The following ARHGEF18 variants were observed in gnomAD, a reference collection of about 807,000 sequenced individuals.
ARHGEF18 encodes the protein rho guanine nucleotide exchange factor 18.
A neutral mutation model predicts 155.7 loss-of-function variants in ARHGEF18; 93 were observed. The observed-to-expected ratio is 0.60, with a 90% CI of 0.50 to 0.71. The LOEUF (loss-of-function observed/expected upper bound fraction) is 0.71. Ranked by LOEUF, ARHGEF18 falls within the 30% of genes least tolerant of loss-of-function variation. ARHGEF18 has a pLI of 0.00. For synonymous variants in ARHGEF18, 742 were observed against 753.1 expected, an observed-to-expected ratio of 0.99 and a Z score of 0.24; for missense variants, 1,593 against 1,816.1, an observed-to-expected ratio of 0.88 and a Z score of 2.23.
chr19:7,450,420 GCGGGATCT>G (rs1975308444), intron 15 of ARHGEF18, among the ~76,000 whole-genome samples: 1 of 2,820 alleles, frequency 3.5e-4, no homozygotes, highest in African/African-American at 1.3e-3. Context: ...AGATGTTAAT[GCGGGATCT>G]TGCTTTCCGT....
In ARHGEF18 at chr19:7,453,456, A is replaced by ATGTGT; in HGVS notation, c.1856-10_1856-6dup. ...GGAAAAGAAAGACGCTAACTCTGCT[A>ATGTGT]TGTGTGGCAGCTGGCACTGAGGACT... On this transcript the variant is annotated splice_polypyrimidine_tract_variant and intron_variant, in intron 16 of 28. Transcript: ENST00000668164. 6.3e-7 allele frequency: 1 copy of ATGTGT among 1,582,546 alleles called. No individual in the cohort carries two copies. Among genetic ancestry groups the ATGTGT allele is most frequent in the East Asian group, 2.3e-5 (1 of 44,298 alleles).
At chr19:7,407,057 T>A (rs1244302595) in intron 10 of ARHGEF18, among the ~76,000 whole-genome samples, 6 of 116,240 alleles carry the variant, frequency 5.2e-5, no homozygotes, top group Non-Finnish European at 1.0e-4. Flanking sequence ...AAGGCAAGAC[T>A]CCGTCTCAAA....
chr19:7,462,393 A>C lies in ARHGEF18; in HGVS notation c.2635+59A>C. 1 of 1,487,852 alleles carries C rather than the reference A, an allele frequency of 6.7e-7. No individual in the cohort carries two copies. 92.2% of individuals were successfully genotyped at this position (1,487,852 alleles called of 1,614,324 possible). On this transcript the variant is annotated intron_variant, in intron 21 of 28. Coordinates refer to ENST00000668164, the MANE Select transcript of ARHGEF18 (RefSeq NM_001367823.1). The surrounding 1 kb of genome is among the most constrained non-coding windows in gnomAD (Gnocchi z 4.4). ...CTTGCCGGGGTGGGCTCCTCAGGGAACCCCAGGCCAGGCTCACGGCTCATT... is the reference window on the plus strand; with the variant it reads ...CTTGCCGGGGTGGGCTCCTCAGGGACCCCCAGGCCAGGCTCACGGCTCATT...
intron 10 of ARHGEF18, among the ~76,000 whole-genome samples, chr19:7,407,425 CAAAAAA>C (rs59665719): frequency 9.2e-6 from 1 of 108,754 alleles, no homozygotes; most frequent in African/African-American, 3.2e-5. Context: ...GACTGAGTCT[CAAAAAA>C]AAAAAAAAAG....
intron 10 of ARHGEF18, among the ~76,000 whole-genome samples, chr19:7,425,582 T>C (rs1339925346): frequency 6.6e-6 from 1 of 151,090 alleles, no homozygotes; most frequent in East Asian, 1.9e-4. Flanking sequence ...CTCAGGAGAC[T>C]GAGGCAGGAG....
intron 6 of ARHGEF18, among the ~76,000 whole-genome samples, chr19:7,378,686 T>C (rs940516443): frequency 2.9e-4 from 21 of 72,806 alleles, no homozygotes; most frequent in African/African-American, 1.0e-3. Flanking sequence ...AATTGTGGCT[T>C]TTTTTTTTTT....
At chr19:7,464,747 G>A in intron 23 of ARHGEF18, 57 bp downstream of exon 23, 1 of 1,596,442 alleles carries the variant, frequency 6.3e-7, no homozygotes. Flanking sequence ...ATTCATGTGT[G>A]TGAGCAGCTT....
intron 4 of ARHGEF18, 39 bp from the exon 5 acceptor site, chr19:7,376,604 C>T: frequency 8.2e-7 from 1 of 1,214,114 alleles, no homozygotes; most frequent in Non-Finnish European, 1.0e-6. Context: ...GCAGTCCAGG[C>T]TGCCTTCCCA....
At chr19:7,378,324 G>A in intron 5 of ARHGEF18, 70 bp from the exon 6 acceptor site, 1 of 1,180,754 alleles carries the variant, frequency 8.5e-7, no homozygotes, top group Non-Finnish European at 1.1e-6. Flanking sequence ...ATCCGGGAGG[G>A]CTCTGCTGGG....
Position 7,471,501 on chromosome 19 carries a change from T to TGATCGTCCTTGTTCCCAGTGGGGTAC in ARHGEF18, c.*1204_*1229dup, listed in dbSNP as rs1481781063. ...ATTGGTGGTAGGACTGGGTCCTGGCTGATCGTCCTTGTTCCCAGTGGGGTA... is the reference window on the plus strand; with the variant it reads ...ATTGGTGGTAGGACTGGGTCCTGGCTGATCGTCCTTGTTCCCAGTGGGGTACGATCGTCCTTGTTCCCAGTGGGGTA... On this transcript the variant is annotated 3_prime_UTR_variant, in exon 29 of 29. Coordinates refer to ENST00000668164, the MANE Select transcript of ARHGEF18 (RefSeq NM_001367823.1). This position sits in a 1 kb window ranked among gnomAD's most constrained non-coding sequence, Gnocchi z 4.4. The TGATCGTCCTTGTTCCCAGTGGGGTAC allele has an allele frequency of 6.6e-6, 1 of 152,284 alleles. No homozygotes were observed. The highest frequency in any genetic ancestry group is 1.5e-5 in the Non-Finnish European group (1 of 68,080). The allele number at this position is 152,284 out of a possible 1,614,324, so 9.4% of individuals were successfully genotyped here.
chr19:7,456,234 C>A, intron 17 of ARHGEF18, 93 bp from the exon 18 acceptor site: 1 of 1,130,304 alleles, frequency 8.8e-7, no homozygotes, highest in Non-Finnish European at 1.3e-6. Flanking sequence ...ATGCTGCTTA[C>A]ACCTTCCTGG....
At chr19:7,410,411 TAC>T (rs1364107618) in intron 10 of ARHGEF18, among the ~76,000 whole-genome samples, 1 of 151,886 alleles carries the variant, frequency 6.6e-6, no homozygotes, top group Non-Finnish European at 1.5e-5. Flanking sequence ...CACACATACA[TAC>T]ACACACACAT....
rs184815199 is a variant in ARHGEF18, at chr19:7,397,694, C to T, written c.967+14491C>T. 2.1e-3 allele frequency among the ~76,000 whole-genome samples: 317 copies of T among 151,692 alleles called. 1 individual carries two copies. The highest frequency in any genetic ancestry group is 7.2e-3 in the African/African-American group (298 of 41,346). ...GTTGCAGTGAGCCGAGATCGTGCCA[C>T]TGCACTCCAGCCTGGGCAACAGAAC... On this transcript the variant is annotated intron_variant, in intron 10 of 28. Coordinates refer to ENST00000668164, the MANE Select transcript of ARHGEF18 (RefSeq NM_001367823.1).
At chr19:7,431,687 G>T (rs1285361806) in intron 10 of ARHGEF18, among the ~76,000 whole-genome samples, 1 of 152,166 alleles carries the variant, frequency 6.6e-6, no homozygotes. Flanking sequence ...GGCGGCGCAT[G>T]CCTGTAATCC....
downstream of ARHGEF18, among the ~76,000 whole-genome samples, chr19:7,476,341 T>A (rs1200201202): frequency 6.8e-6 from 1 of 146,900 alleles, no homozygotes; most frequent in Non-Finnish European, 1.5e-5. Context: ...GCAATTGATA[T>A]CACATGAGGC....
rs770049382 is a variant in ARHGEF18, at chr19:7,469,079, TGGCAAGGACAAGGGC to T, written c.3742_3756del (p.Asp1248_Lys1252del). 1 of 1,608,254 alleles carries T rather than the reference TGGCAAGGACAAGGGC, an allele frequency of 6.2e-7. No homozygotes were observed. The highest frequency in any genetic ancestry group is 1.1e-5 in the South Asian group (1 of 90,324). ...CCAAGCTGGCGGCCTCCACCAAGGG[TGGCAAGGACAAGGGC>T]GGCAAGAGCAGGGGCTCTCAGCGCT... On this transcript the variant is annotated inframe_deletion, in exon 27 of 29. Transcript: ENST00000668164.
At position 7,470,335 on chromosome 19, in the gene ARHGEF18, C is replaced by CCTGCCCACCCTTCCTGCT. The variant is rs1976952651; in HGVS notation, c.*40_*57dup. 7.0e-7 allele frequency: 1 copy of CCTGCCCACCCTTCCTGCT among 1,436,282 alleles called. No individual in the cohort carries two copies. The highest frequency in any genetic ancestry group is 9.2e-7 in the Non-Finnish European group (1 of 1,089,912). The allele number at this position is 1,436,282 out of a possible 1,614,324, so 89.0% of individuals were successfully genotyped here. Reference sequence around the variant, plus strand: ...CTCAAGGTGCAAGGCCCCTCCCTGCCCTGCCCACCCTTCCTGCTCTCTGGG... The same window carrying CCTGCCCACCCTTCCTGCT: ...CTCAAGGTGCAAGGCCCCTCCCTGCCCTGCCCACCCTTCCTGCTCTGCCCACCCTTCCTGCTCTCTGGG... On this transcript the variant is annotated 3_prime_UTR_variant, in exon 29 of 29. Transcript: ENST00000668164. The surrounding 1 kb of genome is among the most constrained non-coding windows in gnomAD (Gnocchi z 5.9).
chr19:7,406,574 G>C (rs1159181033), intron 10 of ARHGEF18, among the ~76,000 whole-genome samples: 3 of 152,068 alleles, frequency 2.0e-5, no homozygotes, highest in Non-Finnish European at 4.4e-5. Flanking sequence ...TAGATTCAGA[G>C]AGGGCAAAAA....
Position 7,349,686 on chromosome 19 carries a change from G to A in ARHGEF18, c.-111+445G>A, listed in dbSNP as rs181250244. ...TCAGCTACTCGGGAGGCTGAGGCAG[G>A]AGAATGGCTTGAACCCGGGAGGTAG... On this transcript the variant is annotated intron_variant, in intron 1 of 28. Coordinates refer to ENST00000668164, the MANE Select transcript of ARHGEF18 (RefSeq NM_001367823.1). 2.4e-3 allele frequency among the ~76,000 whole-genome samples: 366 copies of A among 152,212 alleles called. 1 individual carries two copies. Among genetic ancestry groups the A allele is most frequent in the African/African-American group, 8.5e-3 (355 of 41,522 alleles).
Sources: gnomAD v4.1 joint callset for allele counts (sites outside exome capture counted in the v4.1 genomes callset) on GRCh38, gnomAD v4.1.1 for gene constraint, Gnocchi (gnomAD v3.1) non-coding constraint, MANE v1.5 for transcripts, NCBI Gene and HGNC (gene_info 2026-07-23, HGNC 2026-07-21) for gene names.